The following FANCD2 variants were observed in gnomAD, a reference collection of about 807,000 sequenced individuals.
The protein encoded by FANCD2 is Fanconi anemia group D2 protein.
In FANCD2, 131 loss-of-function variants were observed where a neutral mutation model predicts 192.3. The ratio of observed to expected loss-of-function variants is 0.68; its 90% CI spans 0.59 to 0.79. The LOEUF (loss-of-function observed/expected upper bound fraction) is 0.79. Among genes scored for constraint, FANCD2 ranks in the 30% least tolerant of loss-of-function variants. The pLI, the probability that FANCD2 is intolerant of heterozygous loss-of-function variation, is 0.00. For synonymous variants in FANCD2, 524 were observed against 612.5 expected, an observed-to-expected ratio of 0.86 and a Z score of 2.13; for missense variants, 1,508 against 1,701.6, an observed-to-expected ratio of 0.89 and a Z score of 2.00.
intron 18 of FANCD2, among the ~76,000 whole-genome samples, chr3:10,058,886 G>A (rs2087486110): frequency 6.6e-6 from 1 of 152,120 alleles, no homozygotes; most frequent in Admixed American, 6.6e-5. Context: ...CATGTTGTGG[G>A]ACTTTGATAA....
At chr3:10,073,078 A>G (rs1174451346) in intron 27 of FANCD2, 97 bp downstream of exon 27, 2 of 862,080 alleles carry the variant, frequency 2.3e-6, no homozygotes, top group Non-Finnish European at 3.9e-6. Context: ...AATTGGAACA[A>G]TTGTATAACT....
At chr3:10,090,750 G>A (rs1408413669) in intron 37 of FANCD2, among the ~76,000 whole-genome samples, 63 of 152,066 alleles carry the variant, frequency 4.1e-4, no homozygotes, top group African/African-American at 1.2e-3. Context: ...GCGCCACTGC[G>A]CCCGGTGGTA....
chr3:10,086,153 C>G (rs544539806), intron 33 of FANCD2, among the ~76,000 whole-genome samples: 1 of 152,342 alleles, frequency 6.6e-6, no homozygotes, highest in African/African-American at 2.4e-5. Context: ...CCCATAAACT[C>G]AGCCTTTTCA....
intron 29 of FANCD2, among the ~76,000 whole-genome samples, chr3:10,075,120 A>G (rs1306349570): frequency 6.6e-6 from 1 of 152,202 alleles, no homozygotes; most frequent in African/African-American, 2.4e-5. Context: ...CTTGCTTTCA[A>G]ATAACTTCTA....
chr3:10,088,688 G>A, intron 35 of FANCD2, 140 bp from the exon 36 acceptor site: 3 of 1,114,684 alleles, frequency 2.7e-6, no homozygotes, highest in Non-Finnish European at 4.1e-6. Flanking sequence ...TGGAACATGT[G>A]GATCTTAAGA....
At chr3:10,036,422 T>G (rs2086733300) in intron 7 of FANCD2, 83 bp downstream of exon 7, 3 of 1,069,690 alleles carry the variant, frequency 2.8e-6, no homozygotes, top group South Asian at 2.6e-5. Flanking sequence ...AAACTATTGG[T>G]TTCTCTGAAA....
chr3:10,041,866 T>C (rs1162521426), intron 10 of FANCD2, among the ~76,000 whole-genome samples, 156 bp downstream of exon 10: 1 of 149,906 alleles, frequency 6.7e-6, no homozygotes, highest in Non-Finnish European at 1.5e-5. Context: ...TTCCCCTCAA[T>C]GAGTTTCAGA....
At chr3:10,082,907 CAA>C (rs199541123) in intron 32 of FANCD2, among the ~76,000 whole-genome samples, 5,282 of 152,238 alleles carry the variant, frequency 0.035, 138 homozygotes, top group Middle Eastern at 0.12. Flanking sequence ...AACAATTTAT[CAA>C]AGAGACTTAT....
chr3:10,040,354 A>G, intron 9 of FANCD2: 1 of 377,012 alleles, frequency 2.7e-6, no homozygotes, highest in African/African-American at 2.1e-5. Context: ...TTTCTTTTAA[A>G]TGGTATACCT....
chr3:10,069,203 C>T (rs763717076), intron 26 of FANCD2, among the ~76,000 whole-genome samples: 20 of 152,066 alleles, frequency 1.3e-4, no homozygotes, highest in Middle Eastern at 3.4e-3. Context: ...AAAGGAAACA[C>T]CAAAGTGAAG....
At chr3:10,098,624 A>G in intron 42 of FANCD2, 96 bp from the exon 43 acceptor site, 1 of 1,473,154 alleles carries the variant, frequency 6.8e-7, no homozygotes, top group Non-Finnish European at 9.3e-7. Context: ...TGGCTAAAAT[A>G]TCTTCCTTTG....
chr3:10,045,925 A>G (rs2086992923), intron 14 of FANCD2, among the ~76,000 whole-genome samples: 2 of 152,066 alleles, frequency 1.3e-5, no homozygotes, highest in African/African-American at 4.8e-5. Context: ...TAATACTGAA[A>G]ATACATACTG....
Position 10,089,023 on chromosome 3 carries a change from C to A in FANCD2, c.3683+73C>A. ...TCAGGCTGGGCACGGTGGCACACAC[C>A]TGTAATCCCAGCACTTTGGGAGGCT... On this transcript the variant is annotated intron_variant, in intron 36 of 43. Transcript: ENST00000675286. 1.9e-6 allele frequency: 3 copies of A among 1,548,486 alleles called. No individual in the cohort carries two copies. The South Asian group carries it at 3.4e-5, about 17-fold the overall frequency.
rs761151603 is a variant in FANCD2 at position 10,028,734 on chromosome 3, T to A, written c.64+13T>A. 1 of 1,608,438 alleles carries A rather than the reference T, an allele frequency of 6.2e-7. No individual in the cohort carries two copies. Among genetic ancestry groups the A allele is most frequent in the East Asian group, 2.2e-5 (1 of 44,838 alleles). ...GAAGATGCCTCCAGTAAGTATCTAG[T>A]CATTTGTTGCTTTATTTCCTGTAGC... is the stretch of plus-strand genomic sequence containing the variant. On this transcript the variant is annotated intron_variant, in intron 2 of 43. Coordinates refer to ENST00000675286, the MANE Select transcript of FANCD2 (RefSeq NM_001018115.3).
At chr3:10,053,542 AAT>A (rs1215589052) in intron 18 of FANCD2, among the ~76,000 whole-genome samples, 1 of 150,578 alleles carries the variant, frequency 6.6e-6, no homozygotes, top group Non-Finnish European at 1.5e-5. Flanking sequence ...ATAAAAATAA[AAT>A]AAAATAGAAT....
chr3:10,071,454 C>T (rs531987180), intron 26 of FANCD2, among the ~76,000 whole-genome samples: 5 of 152,194 alleles, frequency 3.3e-5, no homozygotes, highest in Admixed American at 6.5e-5. Context: ...TGTCCATCAG[C>T]GGGTGAATGG....
chr3:10,064,182 G>A (rs2087648343), intron 21 of FANCD2, among the ~76,000 whole-genome samples, 174 bp from the exon 22 acceptor site: 2 of 152,188 alleles, frequency 1.3e-5, no homozygotes, highest in African/African-American at 4.8e-5. Flanking sequence ...TGGGCCTTGT[G>A]CTAAGTGCTT....
chr3:10,069,068 C>T (rs1575800540), intron 26 of FANCD2, among the ~76,000 whole-genome samples: 2 of 152,154 alleles, frequency 1.3e-5, no homozygotes, highest in South Asian at 4.1e-4. Context: ...TCAGAAAACT[C>T]TTCAGGACAT....
In FANCD2 at chr3:10,028,865, T is replaced by A. The variant is rs981593040; in HGVS notation, c.64+144T>A. On this transcript the variant is annotated intron_variant, in intron 2 of 43. Coordinates refer to ENST00000675286, the MANE Select transcript of FANCD2 (RefSeq NM_001018115.3). ...CAGAATTAAGGGAGAAATATCAGAT[T>A]TGGGACTGAGTTTTTGCCTCGAATT... 50 of 817,436 alleles carry A rather than the reference T, an allele frequency of 6.1e-5. No individual in the cohort carries two copies. In the Admixed American group the frequency reaches 7.7e-4, roughly 13 times the overall value. The allele number at this position is 817,436 out of a possible 1,614,324, so 50.6% of individuals were successfully genotyped here. A position where few individuals can be genotyped will look rare whatever the true frequency, so the allele number is the denominator to read the frequency against.
Sources: gnomAD v4.1 joint callset for allele counts (sites outside exome capture counted in the v4.1 genomes callset) on GRCh38, gnomAD v4.1.1 for gene constraint, MANE v1.5 for transcripts, NCBI Gene and HGNC (gene_info 2026-07-23, HGNC 2026-07-21) for gene names.